RBPMS: variants seen among roughly 807,000 people sequenced by gnomAD.
RBPMS encodes the protein RNA binding protein, mRNA processing factor.
RBPMS carries 7 observed loss-of-function variants against 26.8 expected under a neutral mutation model. That is an observed-to-expected ratio of 0.26 (90% CI 0.15 to 0.49). The LOEUF (loss-of-function observed/expected upper bound fraction) is 0.49. Among genes scored for constraint, RBPMS ranks in the 20% least tolerant of loss-of-function variants. The pLI, the probability that RBPMS is intolerant of heterozygous loss-of-function variation, is 0.98. For missense variants in RBPMS, 186 were observed against 250.0 expected, an observed-to-expected ratio of 0.74 and a Z score of 1.73; for synonymous variants, 96 against 93.3, an observed-to-expected ratio of 1.03 and a Z score of -0.17.
At position 30,561,901 on chromosome 8, in the gene RBPMS, T is replaced by C. The variant is rs1827519781; in HGVS notation, c.*7+2945T>C. 3 of 985,264 alleles carry C rather than the reference T, an allele frequency of 3.0e-6. No homozygotes were observed. In the East Asian group the frequency reaches 3.4e-4, roughly 112 times the overall value. The allele number at this position is 985,264 out of a possible 1,614,324, so 61.0% of individuals were successfully genotyped here. On this transcript the variant is annotated intron_variant, in intron 7 of 8. Transcript: ENST00000397323. ...CAGTGACAGAGATCCTGGGTTTCATTTGTATCTGCTCACCTAATTTTTTTC... is the reference window on the plus strand; with the variant it reads ...CAGTGACAGAGATCCTGGGTTTCATCTGTATCTGCTCACCTAATTTTTTTC...
chr8:30,549,395 G>C, intron 6 of RBPMS: 1 of 925,838 alleles, frequency 1.1e-6, no homozygotes, highest in South Asian at 1.4e-5. Context: ...TTGAAGGACT[G>C]CAGAGCTTGC....
chr8:30,508,443 T>C (rs1403714391), intron 5 of RBPMS, among the ~76,000 whole-genome samples: 2 of 152,218 alleles, frequency 1.3e-5, no homozygotes, highest in Non-Finnish European at 2.9e-5. Flanking sequence ...TCTCTGTGTC[T>C]CAGTTTTCTC....
chr8:30,569,189 C>T (rs1828099617), intron 8 of RBPMS, among the ~76,000 whole-genome samples: 1 of 152,220 alleles, frequency 6.6e-6, no homozygotes, highest in Non-Finnish European at 1.5e-5. Context: ...ACCATCAACC[C>T]CAGGGGCCCA....
At chr8:30,549,047 C>A (rs1415695085) in intron 6 of RBPMS, among the ~76,000 whole-genome samples, 2 of 152,168 alleles carry the variant, frequency 1.3e-5, no homozygotes, top group African/African-American at 2.4e-5. Flanking sequence ...CCCCTCCAGG[C>A]GCATGGGAGG....
intron 1 of RBPMS, among the ~76,000 whole-genome samples, chr8:30,439,208 A>T (rs1192486189): frequency 6.6e-6 from 1 of 152,206 alleles, no homozygotes; most frequent in African/African-American, 2.4e-5. Flanking sequence ...TATGCTCAGG[A>T]AATAATGTTT....
At chr8:30,498,627 A>C (rs1820227360) in intron 4 of RBPMS, among the ~76,000 whole-genome samples, 1 of 152,230 alleles carries the variant, frequency 6.6e-6, no homozygotes, top group African/African-American at 2.4e-5. Context: ...ATTTAGACTA[A>C]AGACAAAAAA....
intron 1 of RBPMS, among the ~76,000 whole-genome samples, chr8:30,416,312 T>G (rs546059984): frequency 1.6e-4 from 24 of 152,222 alleles, no homozygotes; most frequent in Admixed American, 2.0e-4. Context: ...TTTTCATTGT[T>G]TTGTTGTTGT....
intron 4 of RBPMS, among the ~76,000 whole-genome samples, chr8:30,495,076 G>A (rs1819787158): frequency 6.6e-6 from 1 of 152,054 alleles, no homozygotes; most frequent in Non-Finnish European, 1.5e-5. Context: ...TCTCTATCAT[G>A]GCCAATATTA....
chr8:30,523,376 CAA>C (rs755294763), intron 5 of RBPMS, among the ~76,000 whole-genome samples: 13 of 104,738 alleles, frequency 1.2e-4, no homozygotes, highest in Non-Finnish European at 1.4e-4. Flanking sequence ...AACTGTGTCT[CAA>C]AAAAAAAAAA....
Position 30,504,413 on chromosome 8 carries a change from C to A in RBPMS, c.374C>A (p.Pro125His), listed in dbSNP as rs1409786624. 6.2e-7 allele frequency: 1 copy of A among 1,613,998 alleles called. No individual in the cohort carries two copies. The highest frequency in any genetic ancestry group is 8.5e-7 in the Non-Finnish European group (1 of 1,179,984). The change falls in exon 5 of 9, where the codon CCT becomes CAT. Residue 125 changes from proline (P) to histidine (H), a missense_variant. Pro to His is a moderately conservative substitution (Grantham distance 77, BLOSUM62 -2). Coordinates refer to ENST00000397323, the MANE Select transcript of RBPMS (RefSeq NM_001008710.3). ...NPSTPLPNTV[P>H]QFIAREPYEL... ...AGTACTCCTCTGCCCAACACTGTACCTCAGTTCATTGCCAGAGAGCCATGT... is the reference window on the plus strand; with the variant it reads ...AGTACTCCTCTGCCCAACACTGTACATCAGTTCATTGCCAGAGAGCCATGT...
intron 5 of RBPMS, among the ~76,000 whole-genome samples, chr8:30,516,077 A>G (rs1455449682): frequency 6.6e-6 from 1 of 152,204 alleles, no homozygotes; most frequent in Non-Finnish European, 1.5e-5. Context: ...TGGTCCTAAT[A>G]ATTTAAAATT....
At chr8:30,508,792 G>C (rs561546863) in intron 5 of RBPMS, among the ~76,000 whole-genome samples, 1 of 152,024 alleles carries the variant, frequency 6.6e-6, no homozygotes, top group Non-Finnish European at 1.5e-5. Context: ...ATTTAAGATG[G>C]CTCATTTGGT....
chr8:30,545,532 A>G, intron 6 of RBPMS: 1 of 786,690 alleles, frequency 1.3e-6, no homozygotes, highest in Non-Finnish European at 1.5e-6. Context: ...AAATTTTTAA[A>G]AATTATTAGG....
rs1448543290 is a variant in RBPMS, at chr8:30,570,800, G to A, written c.*275G>A. On this transcript the variant is annotated 3_prime_UTR_variant, in exon 9 of 9. Transcript: ENST00000397323. ...CGTATTATTTGTGAATGCATGGTCT[G>A]AAATTTCTGTACAGTTTGGAGATAT... is the stretch of plus-strand genomic sequence containing the variant. 1 of 152,576 alleles carries A rather than the reference G, an allele frequency of 6.6e-6. No individual in the cohort carries two copies. Among genetic ancestry groups the A allele is most frequent in the East Asian group, 1.9e-4 (1 of 5,192 alleles). The allele number at this position is 152,576 out of a possible 1,614,324, so 9.5% of individuals were successfully genotyped here. A position where few individuals can be genotyped will look rare whatever the true frequency, so the allele number is the denominator to read the frequency against.
At chr8:30,550,124 A>G (rs1044564825) in intron 6 of RBPMS, among the ~76,000 whole-genome samples, 1 of 152,132 alleles carries the variant, frequency 6.6e-6, no homozygotes, top group Non-Finnish European at 1.5e-5. Flanking sequence ...TGCTGGGATT[A>G]CAAGCGCCTG....
At chr8:30,480,126 C>T (rs553858550) in intron 4 of RBPMS, among the ~76,000 whole-genome samples, 2 of 152,304 alleles carry the variant, frequency 1.3e-5, no homozygotes, top group Admixed American at 6.5e-5. Flanking sequence ...GGAGTCTCAG[C>T]GAAGGCTGGC....
intron 1 of RBPMS, among the ~76,000 whole-genome samples, chr8:30,392,496 T>C (rs1167543937): frequency 1.3e-5 from 2 of 152,130 alleles, no homozygotes; most frequent in Non-Finnish European, 2.9e-5. Flanking sequence ...GACTTTGTCC[T>C]CTGATGGGGC....
At chr8:30,513,821 A>G (rs1821996199) in intron 5 of RBPMS, among the ~76,000 whole-genome samples, 1 of 152,124 alleles carries the variant, frequency 6.6e-6, no homozygotes, top group East Asian at 1.9e-4. Context: ...TTGTGAAGGA[A>G]GGTGTTTCTT....
At chr8:30,463,276 A>T (rs747376360) in intron 1 of RBPMS, among the ~76,000 whole-genome samples, 1 of 152,244 alleles carries the variant, frequency 6.6e-6, no homozygotes, top group Non-Finnish European at 1.5e-5. Flanking sequence ...CCAGCTTAAC[A>T]GTTATTTAGG....
Sources: allele counts gnomAD v4.1 joint callset (sites outside exome capture counted in the v4.1 genomes callset), GRCh38; gene constraint gnomAD v4.1.1; transcripts MANE v1.5; gene names NCBI Gene and HGNC (gene_info 2026-07-23, HGNC 2026-07-21).